Variants in CFI observed in about 807,000 individuals in gnomAD.
CFI encodes C3B/C4B inactivator.
CFI carries 66 observed loss-of-function variants against 78.8 expected under a neutral mutation model. That is an observed-to-expected ratio of 0.84 (90% CI 0.69 to 1.03). The LOEUF is 1.03. Among genes scored for constraint, CFI ranks in the 50% least tolerant of loss-of-function variants. The pLI is 0.00. For missense variants in CFI, 706 were observed against 704.5 expected (o/e 1.00, Z -0.02); for synonymous variants, 250 against 232.6 (o/e 1.07, Z -0.68).
At chr4:109,762,251 G>C (rs1727178517) in intron 3 of CFI, 2 of 151,616 alleles carry the variant, frequency 1.3e-5, no homozygotes, top group Admixed American at 1.3e-4. Context: ...CCTGCCCCAT[G>C]CTGTAAACTT....
chr4:109,733,484 G>A, the CFI span, among the ~76,000 whole-genome samples: 9,696 of 152,264 alleles, frequency 0.064, 333 homozygotes, highest in Middle Eastern at 0.095. Context: ...ACTTTGTGGT[G>A]GGCAGAAGCT....
rs1723903855 is a variant in CFI, at chr4:109,742,357, T to C, written c.1534+134A>G. The C allele has an allele frequency of 8.5e-6, 6 of 703,580 alleles. No homozygotes were observed. The Admixed American group carries it at 1.2e-4, about 14-fold the overall frequency. 43.6% of individuals were successfully genotyped at this position (703,580 alleles called of 1,614,324 possible). ...CTACAGGGAAGGGACTGAAAGAGTT[T>C]GAGAGTGCTACAGCCAGAAGGCCAA... On this transcript the variant is annotated intron_variant, in intron 12 of 12. Coordinates refer to ENST00000394634, the MANE Select transcript of CFI (RefSeq NM_000204.5).
intron 8 of CFI, among the ~76,000 whole-genome samples, chr4:109,751,414 C>T (rs1317173101): frequency 1.4e-5 from 2 of 146,718 alleles, no homozygotes; most frequent in Non-Finnish European, 3.0e-5. Context: ...TTTTGACTAA[C>T]ATCTATAGCT....
chr4:109,750,874 G>A (rs999391732), intron 8 of CFI, among the ~76,000 whole-genome samples: 5 of 152,102 alleles, frequency 3.3e-5, no homozygotes, highest in South Asian at 2.1e-4. Flanking sequence ...CCCCAATTCC[G>A]GGAAGGCCTC....
rs1470689436 is a variant in CFI, at chr4:109,749,603, C to T, written c.941-1G>A. 1 of 1,571,126 alleles carries T rather than the reference C, an allele frequency of 6.4e-7. No homozygotes were observed. Among genetic ancestry groups the T allele is most frequent in the East Asian group, 2.2e-5 (1 of 44,676 alleles). On this transcript the variant is annotated splice_acceptor_variant, in intron 8 of 12. Coordinates refer to ENST00000394634, the MANE Select transcript of CFI (RefSeq NM_000204.5). LOFTEE classifies it high-confidence loss of function. ...AATAATGATTTTATCCGTCTTCTTT[C>T]TTCAAGAAAGGAAGAGATTACATCA...
rs775537507 is a variant in CFI at position 109,760,548 on chromosome 4, G to A, written c.747C>T (p.Asp249=). 13 of 1,600,652 alleles carry A rather than the reference G, an allele frequency of 8.1e-6. No homozygotes were observed. In the South Asian group the frequency reaches 8.8e-5, roughly 11 times the overall value. ...KACDGINDCG[D]QSDELCCKAC... ...CTTTACAACACAGTTCATCACTTTG[G>A]TCTCCACAATCATTGATACCATCAC... The change falls in exon 5 of 13, where the codon GAC becomes GAT. Residue 249 remains aspartate (D), a synonymous_variant. Coordinates refer to ENST00000394634, the MANE Select transcript of CFI (RefSeq NM_000204.5).
Position 109,741,042 on chromosome 4 carries a change from TGGCATCCATACAGACTAAGG to T in CFI, c.1583_1602del (p.Pro528GlnfsTer33). The T allele has an allele frequency of 6.2e-7, 1 of 1,614,216 alleles. No homozygotes were observed. ...ACACCCCAGACATAAGTCACATTGT[TGGCATCCATACAGACTAAGG>T]GGCCTCCAGAGTCCCCTTTACAGGC... On this transcript the variant is annotated frameshift_variant, in exon 13 of 13. Coordinates refer to ENST00000394634, the MANE Select transcript of CFI (RefSeq NM_000204.5). LOFTEE classifies it high-confidence loss of function.
chr4:109,766,446 T>C, intron 2 of CFI, 108 bp downstream of exon 2: 1 of 1,346,620 alleles, frequency 7.4e-7, no homozygotes, highest in Admixed American at 1.8e-5. Flanking sequence ...GAAAAAAATT[T>C]TGAGTTGTCA....
chr4:109,799,770 C>T (rs1007602060), intron 1 of CFI, among the ~76,000 whole-genome samples: 1 of 151,416 alleles, frequency 6.6e-6, no homozygotes, highest in African/African-American at 2.5e-5. Context: ...TTTTTAATGA[C>T]AATGTGTGAA....
At position 109,760,522 on chromosome 4, in the gene CFI, C is replaced by A. The variant is rs775462739; in HGVS notation, c.772+1G>T. On this transcript the variant is annotated splice_donor_variant, in intron 5 of 12. Coordinates refer to ENST00000394634, the MANE Select transcript of CFI (RefSeq NM_000204.5). LOFTEE classifies it high-confidence loss of function. The stretch of plus-strand genomic sequence containing the variant: ...GATTTAGAGGCTAGATTTATGTCTA[C>A]CTTTACAACACAGTTCATCACTTTG... 1.3e-6 allele frequency: 2 copies of A among 1,563,556 alleles called. No individual in the cohort carries two copies. Among genetic ancestry groups the A allele is most frequent in the Non-Finnish European group, 1.8e-6 (2 of 1,134,026 alleles).
intron 10 of CFI, among the ~76,000 whole-genome samples, chr4:109,748,603 G>A (rs933069892): frequency 1.3e-5 from 2 of 152,128 alleles, no homozygotes; most frequent in African/African-American, 4.8e-5. Flanking sequence ...ATTTCTGGCA[G>A]GGGAAACAAT....
rs186223063 is a variant in CFI, at chr4:109,788,015, T to A, written c.57+13900A>T. ...CAGAGGCAACCACTTAACAGCTCTT[T>A]GTGAGTCTTTCCAGAGATCATGAAT... On this transcript the variant is annotated intron_variant, in intron 1 of 12. Transcript: ENST00000394634. Among the ~76,000 whole-genome samples the A allele has an allele frequency of 7.6e-4, 115 of 152,170 alleles. No homozygotes were observed. In the Middle Eastern group the frequency reaches 0.017, roughly 23 times the overall value.
intron 3 of CFI, chr4:109,764,309 C>A: frequency 1.7e-6 from 1 of 573,960 alleles, no homozygotes; most frequent in Non-Finnish European, 3.1e-6. Flanking sequence ...CTAAAGGATT[C>A]ACATCCAGAT....
At chr4:109,797,483 CAT>C (rs1482962043) in intron 1 of CFI, among the ~76,000 whole-genome samples, 5 of 152,200 alleles carry the variant, frequency 3.3e-5, no homozygotes, top group Non-Finnish European at 7.4e-5. Flanking sequence ...TAGAATAAAA[CAT>C]AAGTGATAAG....
chr4:109,753,659 A>AATGTATAATTTTATATTATATATTATC (rs1725679731), intron 7 of CFI, among the ~76,000 whole-genome samples: 1 of 56,576 alleles, frequency 1.8e-5, no homozygotes, highest in African/African-American at 6.6e-5. Context: ...TATATATTAT[A>AATGTATAATTTTATATTATATATTATC]TAATGTATAA....
chr4:109,741,335 C>T (rs530434694), intron 12 of CFI: 366 of 985,410 alleles, frequency 3.7e-4, no homozygotes, highest in Non-Finnish European at 4.3e-4. Context: ...GCATGTTCTT[C>T]CTGTGTTCTC....
At position 109,761,982 on chromosome 4, in the gene CFI, G is replaced by C. The variant is rs6533456; in HGVS notation, c.483-290C>G. ...AGGAGGGTGGATTACCTGAGGTCAAGAGTTCGAGACCAGCCTGGCCAATAT... is the reference window on the plus strand; with the variant it reads ...AGGAGGGTGGATTACCTGAGGTCAACAGTTCGAGACCAGCCTGGCCAATAT... On this transcript the variant is annotated intron_variant, in intron 3 of 12. Transcript: ENST00000394634. The C allele has an allele frequency of 1.1e-3, 413 of 380,550 alleles. 1 individual carries two copies. Among genetic ancestry groups the C allele is most frequent in the African/African-American group, 8.3e-3 (398 of 48,122 alleles). 23.6% of individuals were successfully genotyped at this position (380,550 alleles called of 1,614,324 possible). A position where few individuals can be genotyped will look rare whatever the true frequency, so the allele number is the denominator to read the frequency against.
At chr4:109,771,689 G>A (rs1358986521) in intron 1 of CFI, among the ~76,000 whole-genome samples, 2 of 128,260 alleles carry the variant, frequency 1.6e-5, no homozygotes, top group African/African-American at 3.1e-5. Context: ...ACTCCAGCCT[G>A]GGCAACACAG....
At chr4:109,760,945 AT>A (rs1468281687) in intron 4 of CFI, among the ~76,000 whole-genome samples, 2 of 152,150 alleles carry the variant, frequency 1.3e-5, no homozygotes, top group African/African-American at 4.8e-5. Context: ...CATTTCTTTC[AT>A]GCTGCTATAC....
Sources: gnomAD v4.1 joint callset for allele counts (sites outside exome capture counted in the v4.1 genomes callset) on GRCh38, gnomAD v4.1.1 for gene constraint, MANE v1.5 for transcripts, NCBI Gene and HGNC (gene_info 2026-07-23, HGNC 2026-07-21) for gene names.